PTPRK: variants seen among roughly 807,000 people sequenced by gnomAD.
The protein encoded by PTPRK is protein tyrosine phosphatase receptor type K.
A neutral mutation model predicts 178.0 loss-of-function variants in PTPRK; 75 were observed. The ratio of observed to expected loss-of-function variants is 0.42; its 90% CI spans 0.35 to 0.51. The LOEUF is 0.51. Ranked by LOEUF, PTPRK falls within the 20% of genes least tolerant of loss-of-function variation. The pLI is 0.02. For synonymous variants in PTPRK, 637 were observed against 620.6 expected (o/e 1.03, Z -0.39); for missense variants, 1,441 against 1,797.8 (o/e 0.80, Z 3.59).
At chr6:128,138,820 T>G (rs1013256162) in intron 7 of PTPRK, among the ~76,000 whole-genome samples, 1 of 152,056 alleles carries the variant, frequency 6.6e-6, no homozygotes, top group Non-Finnish European at 1.5e-5. Flanking sequence ...TAAAGAGTCT[T>G]CTATTTGGGA....
At chr6:128,335,856 A>C (rs1830852159) in intron 2 of PTPRK, among the ~76,000 whole-genome samples, 1 of 152,108 alleles carries the variant, frequency 6.6e-6, no homozygotes, top group Non-Finnish European at 1.5e-5. Context: ...GCTTTAATGG[A>C]ATTAGTGGTC....
chr6:128,267,946 A>G (rs1819212385), intron 3 of PTPRK, among the ~76,000 whole-genome samples: 1 of 152,054 alleles, frequency 6.6e-6, no homozygotes, highest in East Asian at 1.9e-4. Context: ...CTAAGAGACC[A>G]TTCTTATTTT....
chr6:128,131,067 C>G (rs1794156274), intron 7 of PTPRK, among the ~76,000 whole-genome samples: 1 of 152,180 alleles, frequency 6.6e-6, no homozygotes, highest in Non-Finnish European at 1.5e-5. Context: ...TTTCTCTTTT[C>G]CATTTTAAGG....
chr6:128,227,313 A>G (rs2128277147), intron 5 of PTPRK, among the ~76,000 whole-genome samples: 1 of 152,316 alleles, frequency 6.6e-6, no homozygotes, highest in Admixed American at 6.5e-5. Context: ...CAGAAGACAA[A>G]TGCAATGAAA....
At chr6:128,518,066 T>C (rs924188407) in intron 1 of PTPRK, among the ~76,000 whole-genome samples, 2 of 152,250 alleles carry the variant, frequency 1.3e-5, no homozygotes, top group African/African-American at 4.8e-5. Flanking sequence ...AACAAACTTA[T>C]AATTTGTGGA....
intron 13 of PTPRK, among the ~76,000 whole-genome samples, chr6:128,030,293 G>A (rs2114794425): frequency 6.6e-6 from 1 of 152,202 alleles, no homozygotes. Flanking sequence ...GGGCACCAAA[G>A]GTGACTAAAG....
Position 128,397,702 on chromosome 6 carries a change from A to C in PTPRK, c.101-14T>G, listed in dbSNP as rs767374773. 8.7e-6 allele frequency: 14 copies of C among 1,611,854 alleles called. No individual in the cohort carries two copies. The highest frequency in any genetic ancestry group is 3.3e-4 in the Middle Eastern group (2 of 6,080). ...AAGTACAGCCACCTAGGAGAAAAGAAGACTACTGTTACATTCTAAACAGAT... is the reference window on the plus strand; with the variant it reads ...AAGTACAGCCACCTAGGAGAAAAGACGACTACTGTTACATTCTAAACAGAT... On this transcript the variant is annotated splice_polypyrimidine_tract_variant and intron_variant, in intron 1 of 29. Transcript: ENST00000368226.
At chr6:127,977,727 G>A (rs1774770550) in intron 25 of PTPRK, among the ~76,000 whole-genome samples, 1 of 152,074 alleles carries the variant, frequency 6.6e-6, no homozygotes, top group African/African-American at 2.4e-5. Flanking sequence ...AAGCATAACA[G>A]CAATATATTT....
chr6:128,479,688 G>C (rs910900085), intron 1 of PTPRK, among the ~76,000 whole-genome samples: 4 of 152,134 alleles, frequency 2.6e-5, no homozygotes, highest in African/African-American at 9.6e-5. Context: ...AATGATTAGA[G>C]GGGATAGTTA....
chr6:128,097,678 C>T (rs925248707), intron 7 of PTPRK, among the ~76,000 whole-genome samples: 12 of 151,972 alleles, frequency 7.9e-5, no homozygotes, highest in Non-Finnish European at 1.5e-4. Context: ...GAATCCACTT[C>T]GATTCATCTC....
At chr6:128,279,927 T>C (rs1186135952) in intron 3 of PTPRK, among the ~76,000 whole-genome samples, 1 of 152,174 alleles carries the variant, frequency 6.6e-6, no homozygotes, top group African/African-American at 2.4e-5. Flanking sequence ...AAGCCTATCA[T>C]CAGGCAGTAA....
At chr6:127,979,142 T>G (rs1774956816) in intron 25 of PTPRK, among the ~76,000 whole-genome samples, 1 of 152,124 alleles carries the variant, frequency 6.6e-6, no homozygotes, top group Non-Finnish European at 1.5e-5. Flanking sequence ...CTGGGCATGA[T>G]GGCATACACC....
At chr6:128,322,667 A>AAT (rs10651820) in intron 2 of PTPRK, among the ~76,000 whole-genome samples, 7,104 of 143,780 alleles carry the variant, frequency 0.049, 764 homozygotes, top group African/African-American at 0.18. Context: ...CTTTTAATAT[A>AAT]ATATATATAT....
At chr6:128,147,456 C>T (rs887975844) in intron 7 of PTPRK, among the ~76,000 whole-genome samples, 3 of 152,098 alleles carry the variant, frequency 2.0e-5, no homozygotes, top group Non-Finnish European at 4.4e-5. Context: ...TCATCAGTGT[C>T]TCTCTTCCAT....
At chr6:128,511,547 T>C (rs900387745) in intron 1 of PTPRK, among the ~76,000 whole-genome samples, 7 of 152,182 alleles carry the variant, frequency 4.6e-5, no homozygotes, top group African/African-American at 1.4e-4. Context: ...ATATGGAGCC[T>C]AAGAAGCTCC....
chr6:128,128,465 C>A (rs566599811), intron 7 of PTPRK, among the ~76,000 whole-genome samples: 1 of 152,162 alleles, frequency 6.6e-6, no homozygotes, highest in Non-Finnish European at 1.5e-5. Context: ...CAGGTACAGC[C>A]GTCAATTCTC....
chr6:128,005,282 G>C, intron 14 of PTPRK, 38 bp from the exon 15 acceptor site: 1 of 1,605,556 alleles, frequency 6.2e-7, no homozygotes, highest in South Asian at 1.1e-5. Flanking sequence ...CTTAGTGTTT[G>C]AGGCTTGCAG....
intron 3 of PTPRK, among the ~76,000 whole-genome samples, chr6:128,255,415 G>A (rs1817124360): frequency 6.6e-6 from 1 of 152,096 alleles, no homozygotes; most frequent in African/African-American, 2.4e-5. Flanking sequence ...CATAAGTGAG[G>A]GAAAGCACTA....
At chr6:128,442,221 C>T (rs1321107850) in intron 1 of PTPRK, among the ~76,000 whole-genome samples, 1 of 152,082 alleles carries the variant, frequency 6.6e-6, no homozygotes, top group Non-Finnish European at 1.5e-5. Flanking sequence ...CCCTGAATTC[C>T]CTGCACGCTG....
Sources: gnomAD v4.1 joint callset for allele counts (sites outside exome capture counted in the v4.1 genomes callset) on GRCh38, gnomAD v4.1.1 for gene constraint, MANE v1.5 for transcripts, NCBI Gene and HGNC (gene_info 2026-07-23, HGNC 2026-07-21) for gene names.